CDK17: variants seen among roughly 807,000 people sequenced by gnomAD.
CDK17 encodes the protein cyclin-dependent kinase 17.
A neutral mutation model predicts 77.6 loss-of-function variants in CDK17; 24 were observed. The observed-to-expected ratio is 0.31, with a 90% CI of 0.22 to 0.44. The LOEUF is 0.44. Ranked by LOEUF, CDK17 falls within the 20% of genes least tolerant of loss-of-function variation. CDK17 has a pLI of 1.00. For synonymous variants in CDK17, 203 were observed against 210.4 expected, an observed-to-expected ratio of 0.96 and a Z score of 0.30; for missense variants, 429 against 622.5, an observed-to-expected ratio of 0.69 and a Z score of 3.31.
At position 96,380,035 on chromosome 12, in the gene CDK17, G is replaced by T. The variant is rs548412145; in HGVS notation, c.-30+19951C>A. On this transcript the variant is annotated intron_variant, in intron 1 of 16. Coordinates refer to ENST00000261211, the MANE Select transcript of CDK17 (RefSeq NM_002595.5). ...AATACAAAAATTAGCTGTGCATGGT[G>T]GCACACACCTGTAGTCCCAGCTACT... 9.3e-4 allele frequency among the ~76,000 whole-genome samples: 141 copies of T among 151,738 alleles called. 2 individuals carry two copies. Among genetic ancestry groups the T allele is most frequent in the Admixed American group, 3.5e-3 (53 of 15,252 alleles).
chr12:96,389,471 G>C (rs1186717056), intron 1 of CDK17, among the ~76,000 whole-genome samples: 1 of 152,174 alleles, frequency 6.6e-6, no homozygotes, highest in Non-Finnish European at 1.5e-5. Context: ...GAAGAAAGGG[G>C]ATGAGAGCAA....
intron 5 of CDK17, among the ~76,000 whole-genome samples, chr12:96,307,774 G>A (rs756018367): frequency 2.6e-5 from 4 of 152,084 alleles, no homozygotes; most frequent in Admixed American, 6.6e-5. Flanking sequence ...AGGAGGCTGA[G>A]GCATGAGAAT....
intron 5 of CDK17, among the ~76,000 whole-genome samples, chr12:96,302,251 A>G (rs1021257782): frequency 6.6e-6 from 1 of 152,260 alleles, no homozygotes; most frequent in African/African-American, 2.4e-5. Flanking sequence ...AATCAGTATG[A>G]AAAACATGGC....
At chr12:96,372,538 A>G (rs1486788728) in intron 1 of CDK17, among the ~76,000 whole-genome samples, 2 of 152,198 alleles carry the variant, frequency 1.3e-5, no homozygotes, top group African/African-American at 4.8e-5. Flanking sequence ...CAATGAGCCA[A>G]TTTCCAAGCA....
chr12:96,284,462 CAAA>C (rs1047611562), intron 13 of CDK17: 4 of 56,488 alleles, frequency 7.1e-5, no homozygotes, highest in Admixed American at 1.9e-4. Context: ...CTCTGTCTCC[CAAA>C]AAAAAAAAAA....
intron 1 of CDK17, among the ~76,000 whole-genome samples, chr12:96,382,184 A>C (rs890219633): frequency 6.6e-5 from 10 of 152,116 alleles, no homozygotes; most frequent in Non-Finnish European, 1.3e-4. Flanking sequence ...AAATAGTGAA[A>C]ACATAAATAC....
rs113004743 is a variant in CDK17 at position 96,281,015 on chromosome 12, C to G, written c.1457-130G>C. Reference sequence around the variant, plus strand: ...ACCATTTTACAAGGTGATAGCCCTGCTGAAATTTTTCCTTTTTGTCCCAGT... The same window carrying G: ...ACCATTTTACAAGGTGATAGCCCTGGTGAAATTTTTCCTTTTTGTCCCAGT... On this transcript the variant is annotated intron_variant, in intron 15 of 16. Coordinates refer to ENST00000261211, the MANE Select transcript of CDK17 (RefSeq NM_002595.5). The G allele has an allele frequency of 1.7e-5, 13 of 761,028 alleles. 1 individual carries two copies. In the African/African-American group the frequency reaches 1.8e-4, roughly 10 times the overall value. The allele number at this position is 761,028 out of a possible 1,614,324, so 47.1% of individuals were successfully genotyped here. A position where few individuals can be genotyped will look rare whatever the true frequency, so the allele number is the denominator to read the frequency against.
chr12:96,292,891 T>TA (rs1013822477), intron 10 of CDK17, among the ~76,000 whole-genome samples: 3 of 152,070 alleles, frequency 2.0e-5, no homozygotes, highest in Non-Finnish European at 4.4e-5. Context: ...GAGCATATAA[T>TA]AAATACAGAG....
rs145442683 is a variant in CDK17 at position 96,379,245 on chromosome 12, G to T, written c.-30+20741C>A. On this transcript the variant is annotated intron_variant, in intron 1 of 16. Transcript: ENST00000261211. Reference sequence around the variant, plus strand: ...ATTAACATATTATCAGAACCTGTATGTAAGTTTACTGAATTACTGTTAAAT... The same window carrying T: ...ATTAACATATTATCAGAACCTGTATTTAAGTTTACTGAATTACTGTTAAAT... Among the ~76,000 whole-genome samples, 494 of 152,238 alleles carry T rather than the reference G, an allele frequency of 3.2e-3. 4 individuals carry two copies. The highest frequency in any genetic ancestry group is 0.011 in the African/African-American group (471 of 41,552).
chr12:96,383,453 A>G (rs1953920486), intron 1 of CDK17, among the ~76,000 whole-genome samples: 1 of 151,634 alleles, frequency 6.6e-6, no homozygotes. Flanking sequence ...AAAAAGCCCA[A>G]ATAGCCAAAG....
intron 2 of CDK17, among the ~76,000 whole-genome samples, 178 bp from the exon 3 acceptor site, chr12:96,324,290 A>C (rs577097886): frequency 6.6e-6 from 1 of 152,358 alleles, no homozygotes; most frequent in South Asian, 2.1e-4. Context: ...AAAATACTTA[A>C]GAAAATACTT....
intron 2 of CDK17, among the ~76,000 whole-genome samples, chr12:96,325,928 G>A (rs1246805543): frequency 3.9e-5 from 6 of 152,204 alleles, no homozygotes. Context: ...GGAGGCTAGA[G>A]TGGGAGGATC....
At chr12:96,393,510 A>G (rs1954110729) in intron 1 of CDK17, among the ~76,000 whole-genome samples, 1 of 152,138 alleles carries the variant, frequency 6.6e-6, no homozygotes, top group Non-Finnish European at 1.5e-5. Context: ...AGGCAGGCAG[A>G]TTGCTTGAGC....
At chr12:96,335,609 T>C (rs1953031209) in intron 1 of CDK17, among the ~76,000 whole-genome samples, 1 of 152,206 alleles carries the variant, frequency 6.6e-6, no homozygotes, top group Non-Finnish European at 1.5e-5. Flanking sequence ...AACAAATAAA[T>C]GACAGAACTG....
At chr12:96,334,624 G>A (rs1364631836) in intron 2 of CDK17, 95 bp downstream of exon 2, 24 of 669,548 alleles carry the variant, frequency 3.6e-5, no homozygotes, top group Non-Finnish European at 1.8e-5. Context: ...ATAAACAAAG[G>A]GAAGCTATTA....
At chr12:96,309,723 C>T (rs528994496) in intron 5 of CDK17, among the ~76,000 whole-genome samples, 19 of 152,154 alleles carry the variant, frequency 1.2e-4, no homozygotes, top group South Asian at 4.1e-4. Context: ...AATAAACATA[C>T]GATGAATAAT....
chr12:96,294,611 A>AAAAAAAT (rs71097274), intron 10 of CDK17, among the ~76,000 whole-genome samples: 3 of 121,316 alleles, frequency 2.5e-5, no homozygotes, highest in South Asian at 2.6e-4. Flanking sequence ...AAAAAAAAAA[A>AAAAAAAT]GATATATTTT....
At chr12:96,368,959 G>C (rs1351699043) in intron 1 of CDK17, among the ~76,000 whole-genome samples, 1 of 151,950 alleles carries the variant, frequency 6.6e-6, no homozygotes, top group Non-Finnish European at 1.5e-5. Flanking sequence ...CTATGAAATT[G>C]CTGTATTATT....
intron 3 of CDK17, among the ~76,000 whole-genome samples, chr12:96,320,055 T>C (rs1952794305): frequency 6.6e-6 from 1 of 152,140 alleles, no homozygotes; most frequent in African/African-American, 2.4e-5. Flanking sequence ...CCCCATCGTC[T>C]CAGCCCAAAA....
Sources: allele counts gnomAD v4.1 joint callset (sites outside exome capture counted in the v4.1 genomes callset), GRCh38; gene constraint gnomAD v4.1.1; transcripts MANE v1.5; gene names NCBI Gene and HGNC (gene_info 2026-07-23, HGNC 2026-07-21).